MYO16: variants seen among roughly 807,000 people sequenced by gnomAD.
The protein encoded by MYO16 is myosin XVI, also known as unconventional myosin-XVI.
Under a neutral mutation model 205.3 loss-of-function variants are expected in MYO16, and 94 were observed. The ratio of observed to expected loss-of-function variants is 0.46; its 90% CI spans 0.39 to 0.54. The LOEUF is 0.54. MYO16 is among the 20% of genes least tolerant of loss of function. The pLI is 0.00. For synonymous variants in MYO16, 988 were observed against 954.0 expected (o/e 1.04, Z -0.66); for missense variants, 2,315 against 2,387.5 (o/e 0.97, Z 0.63).
intron 9 of MYO16, among the ~76,000 whole-genome samples, chr13:108,833,672 C>G (rs1022744295): frequency 5.9e-5 from 9 of 152,098 alleles, no homozygotes; most frequent in Non-Finnish European, 1.3e-4. Flanking sequence ...ATTCCTGTTT[C>G]CATTTTCAGA....
chr13:108,571,352 G>GA, the MYO16 span, among the ~76,000 whole-genome samples: 1 of 151,260 alleles, frequency 6.6e-6, no homozygotes, highest in African/African-American at 2.4e-5. Context: ...TTTGAGAATA[G>GA]AAAAAATAAT....
chr13:109,083,637 C>G (rs1178544598), intron 27 of MYO16, among the ~76,000 whole-genome samples: 3 of 152,132 alleles, frequency 2.0e-5, no homozygotes, highest in African/African-American at 7.2e-5. Context: ...AACATTTACT[C>G]TAAGTGGGAG....
At chr13:108,845,380 A>T (rs1033324339) in intron 10 of MYO16, among the ~76,000 whole-genome samples, 1 of 152,112 alleles carries the variant, frequency 6.6e-6, no homozygotes, top group African/African-American at 2.4e-5. Flanking sequence ...ACAGTCGTGG[A>T]GGCATCTGGA....
At chr13:108,605,233 A>C (rs1397130088) in intron 1 of MYO16, among the ~76,000 whole-genome samples, 1 of 152,216 alleles carries the variant, frequency 6.6e-6, no homozygotes, top group Non-Finnish European at 1.5e-5. Flanking sequence ...TATAGCCATG[A>C]GTGCCAAAAA....
chr13:108,567,445 G>A, the MYO16 span, among the ~76,000 whole-genome samples: 1 of 152,224 alleles, frequency 6.6e-6, no homozygotes, highest in African/African-American at 2.4e-5. Flanking sequence ...TTGAGATACA[G>A]CAAATAAAAA....
intron 20 of MYO16, among the ~76,000 whole-genome samples, chr13:108,971,060 A>G (rs536832218): frequency 6.6e-6 from 1 of 152,316 alleles, no homozygotes; most frequent in African/African-American, 2.4e-5. Flanking sequence ...ATGAAAAATA[A>G]CTGTTTTAAA....
chr13:109,136,347 C>T (rs1876777181), intron 31 of MYO16, among the ~76,000 whole-genome samples: 1 of 152,152 alleles, frequency 6.6e-6, no homozygotes, highest in Non-Finnish European at 1.5e-5. Flanking sequence ...CCCGCCTCGG[C>T]CTCCCAAAGT....
At chr13:108,828,956 T>G (rs137959452) in intron 9 of MYO16, among the ~76,000 whole-genome samples, 1 of 152,348 alleles carries the variant, frequency 6.6e-6, no homozygotes, top group Non-Finnish European at 1.5e-5. Context: ...TTGTATCCTT[T>G]ATGATAAAGC....
At chr13:109,118,171 C>T (rs911679405) in intron 28 of MYO16, among the ~76,000 whole-genome samples, 1 of 152,162 alleles carries the variant, frequency 6.6e-6, no homozygotes, top group African/African-American at 2.4e-5. Context: ...ACACCTTGAT[C>T]ACTCTTTTTT....
At chr13:108,561,993 T>G in the MYO16 span, among the ~76,000 whole-genome samples, 2 of 152,246 alleles carry the variant, frequency 1.3e-5, no homozygotes, top group Non-Finnish European at 2.9e-5. Context: ...CTTCGAATTT[T>G]ACTTTCCCAA....
At chr13:108,728,859 C>G (rs67902438) in intron 4 of MYO16, among the ~76,000 whole-genome samples, 11 of 152,144 alleles carry the variant, frequency 7.2e-5, no homozygotes, top group African/African-American at 2.4e-4. Flanking sequence ...CTCTTCCCCC[C>G]CTCTTAAAAT....
chr13:109,054,822 T>C (rs1357554547), intron 25 of MYO16, among the ~76,000 whole-genome samples: 1 of 152,156 alleles, frequency 6.6e-6, no homozygotes, highest in African/African-American at 2.4e-5. Flanking sequence ...TATTTTGCTC[T>C]TCTGAACTGA....
chr13:108,844,097 A>G (rs576671974), intron 9 of MYO16, among the ~76,000 whole-genome samples: 2 of 152,290 alleles, frequency 1.3e-5, no homozygotes, highest in Middle Eastern at 3.4e-3. Context: ...ATACATGTGT[A>G]AACATTTTCT....
intron 1 of MYO16, among the ~76,000 whole-genome samples, chr13:108,602,498 G>A (rs1021566326): frequency 3.3e-5 from 5 of 152,054 alleles, no homozygotes; most frequent in Admixed American, 6.6e-5. Flanking sequence ...CTTCTTCCAA[G>A]GGAATTTTTT....
chr13:108,694,347 A>G (rs1358540880), intron 2 of MYO16, among the ~76,000 whole-genome samples: 1 of 152,224 alleles, frequency 6.6e-6, no homozygotes, highest in Non-Finnish European at 1.5e-5. Context: ...AATGTTTTTA[A>G]TAACTACTAA....
chr13:109,121,372 C>G (rs1875982284), intron 29 of MYO16, among the ~76,000 whole-genome samples: 1 of 152,178 alleles, frequency 6.6e-6, no homozygotes, highest in African/African-American at 2.4e-5. Context: ...GGCAGGTGTT[C>G]TGATGACACA....
chr13:109,005,653 C>T (rs1382178477), intron 21 of MYO16, among the ~76,000 whole-genome samples: 1 of 152,074 alleles, frequency 6.6e-6, no homozygotes, highest in East Asian at 1.9e-4. Flanking sequence ...TTGCCTGCCA[C>T]CCTCTCATGC....
intron 7 of MYO16, among the ~76,000 whole-genome samples, chr13:108,811,105 C>A (rs1169617490): frequency 1.3e-5 from 2 of 152,060 alleles, no homozygotes; most frequent in Non-Finnish European, 2.9e-5. Context: ...ATACTACACC[C>A]AAAGATAAAA....
chr13:109,127,734 CT>C lies in MYO16; in HGVS notation c.4051+186del. ...AATATTTATTCAAATCTCTAAGCCTCTTAGGGAAAAGCTACTTACATGGCAT... is the reference window on the plus strand; with the variant it reads ...AATATTTATTCAAATCTCTAAGCCTCTAGGGAAAAGCTACTTACATGGCAT... On this transcript the variant is annotated intron_variant, in intron 31 of 34. Coordinates refer to ENST00000457511, the MANE Select transcript of MYO16 (RefSeq NM_001198950.3). This position sits in a 1 kb window ranked among gnomAD's most constrained non-coding sequence, Gnocchi z 4.2. 1 of 617,224 alleles carries C rather than the reference CT, an allele frequency of 1.6e-6. No individual in the cohort carries two copies. Among genetic ancestry groups the C allele is most frequent in the Non-Finnish European group, 2.6e-6 (1 of 381,760 alleles). 38.2% of individuals were successfully genotyped at this position (617,224 alleles called of 1,614,324 possible).
Sources: gnomAD v4.1 joint callset for allele counts (sites outside exome capture counted in the v4.1 genomes callset) on GRCh38, gnomAD v4.1.1 for gene constraint, Gnocchi (gnomAD v3.1) non-coding constraint, MANE v1.5 for transcripts, NCBI Gene and HGNC (gene_info 2026-07-23, HGNC 2026-07-21) for gene names.